FAM20A: variants seen among roughly 807,000 people sequenced by gnomAD.
The protein encoded by FAM20A is pseudokinase FAM20A.
In FAM20A, 42 loss-of-function variants were observed where a neutral mutation model predicts 52.0. The ratio of observed to expected loss-of-function variants is 0.81; its 90% confidence interval spans 0.63 to 1.04. FAM20A has a LOEUF of 1.04. Among genes scored for constraint, FAM20A ranks in the 50% least tolerant of loss-of-function variants. The pLI, the probability that FAM20A is intolerant of heterozygous loss-of-function variation, is 0.00. For missense variants in FAM20A, 742 were observed against 712.7 expected, an observed-to-expected ratio of 1.04 and a Z score of -0.47; for synonymous variants, 304 against 298.9, an observed-to-expected ratio of 1.02 and a Z score of -0.18.
In FAM20A at chr17:68,554,831, C is replaced by T; in HGVS notation, c.590-4G>A. 4 of 1,614,086 alleles carry T rather than the reference C, an allele frequency of 2.5e-6. No individual in the cohort carries two copies. The highest frequency in any genetic ancestry group is 2.2e-5 in the South Asian group (2 of 91,058). ...GCTTTCTCATCTTGACTGTAATCTG[C>T]AAAGGAGGAGAAGGGCAATGAGAAC... On this transcript the variant is annotated splice_polypyrimidine_tract_variant and splice_region_variant and intron_variant, in intron 2 of 10. Transcript: ENST00000592554.
chr17:68,554,792 A>T lies in FAM20A; in HGVS notation c.625T>A (p.Cys209Ser), dbSNP rs1180198431. Residue 209 changes from cysteine (C) to serine (S), a missense_variant, in exon 3 of 11, where the codon TGT becomes AGT. Cys to Ser is a moderately radical substitution (Grantham distance 112). Transcript: ENST00000592554. ...SQDEKALLGA[C>S]DCTQIVKPSG... ...GGTCACTTACTCTGGGTGCAGTCAC[A>T]TGCCCCCAGCAAGGCTTTCTCATCT... is the stretch of plus-strand genomic sequence containing the variant. 3.8e-5 allele frequency: 62 copies of T among 1,613,960 alleles called. No homozygotes were observed. Among genetic ancestry groups the T allele is most frequent in the Non-Finnish European group, 4.9e-5 (58 of 1,179,984 alleles).
At chr17:68,554,069 T>C (rs994734269) in intron 3 of FAM20A, among the ~76,000 whole-genome samples, 27 of 149,238 alleles carry the variant, frequency 1.8e-4, no homozygotes, top group South Asian at 1.3e-3. Flanking sequence ...TATACACACA[T>C]ATACACACAT....
chr17:68,543,573 C>G (rs748626276), intron 5 of FAM20A, 56 bp downstream of exon 5: 10 of 1,497,508 alleles, frequency 6.7e-6, no homozygotes, highest in Non-Finnish European at 6.5e-6. Context: ...TCTAGCCACC[C>G]CTCCCAGAGG....
chr17:68,556,746 G>C (rs995547743), intron 1 of FAM20A, among the ~76,000 whole-genome samples: 1 of 152,080 alleles, frequency 6.6e-6, no homozygotes, highest in African/African-American at 2.4e-5. Flanking sequence ...TGGAAGGGAA[G>C]GCAAATTAGT....
Position 68,541,975 on chromosome 17 carries a change from AC to A in FAM20A, c.1109+9del, listed in dbSNP as rs2086318161. ...AAGGACTGGGCTGTGTGGCCTGGGG[AC>A]CAACTCACTCCTCTTTTCCTGCCAG... On this transcript the variant is annotated intron_variant, in intron 7 of 10. Coordinates refer to ENST00000592554, the MANE Select transcript of FAM20A (RefSeq NM_017565.4). The A allele has an allele frequency of 6.2e-7, 1 of 1,611,484 alleles. No homozygotes were observed. Among genetic ancestry groups the A allele is most frequent in the Non-Finnish European group, 8.5e-7 (1 of 1,178,510 alleles).
rs2087854987 is a variant in FAM20A, at chr17:68,578,871, T to C, written c.404+21392A>G. Among the ~76,000 whole-genome samples the C allele has an allele frequency of 2.2e-5, 2 of 91,194 alleles. 1 individual carries two copies. The highest frequency in any genetic ancestry group is 7.2e-4 in the South Asian group (2 of 2,762). 59.8% of individuals were successfully genotyped at this position (91,194 alleles called of 152,430 possible). A position where few individuals can be genotyped will look rare whatever the true frequency, so the allele number is the denominator to read the frequency against. On this transcript the variant is annotated intron_variant, in intron 1 of 10. Coordinates refer to ENST00000592554, the MANE Select transcript of FAM20A (RefSeq NM_017565.4). ...AAAAAAAAAAAAAAAAAAAAATTAC[T>C]GGGCGTGGTGGCAGGTGCCTGTAGT...
chr17:68,544,230 G>A (rs1463894332), intron 4 of FAM20A, among the ~76,000 whole-genome samples: 2 of 141,758 alleles, frequency 1.4e-5, no homozygotes, highest in Non-Finnish European at 3.1e-5. Flanking sequence ...GGATGTGGGG[G>A]AAATACGTGG....
At chr17:68,545,424 C>G (rs538004348) in intron 4 of FAM20A, among the ~76,000 whole-genome samples, 1 of 152,188 alleles carries the variant, frequency 6.6e-6, no homozygotes, top group Non-Finnish European at 1.5e-5. Context: ...ATAAAAGTTA[C>G]GTTTCATTAT....
At chr17:68,588,733 C>A (rs965054851) in intron 1 of FAM20A, among the ~76,000 whole-genome samples, 2 of 152,220 alleles carry the variant, frequency 1.3e-5, no homozygotes, top group Non-Finnish European at 2.9e-5. Flanking sequence ...CCTTAATTAT[C>A]TCTTAAAAGG....
Position 68,555,763 on chromosome 17 carries a change from G to A in FAM20A, c.405-20C>T. On this transcript the variant is annotated intron_variant, in intron 1 of 10. Coordinates refer to ENST00000592554, the MANE Select transcript of FAM20A (RefSeq NM_017565.4). ...TGTCGCCTGAAAGAGCCAGATAGTT[G>A]TTCATTAGAGGAACAAGAATGCAAA... The A allele has an allele frequency of 2.5e-6, 4 of 1,613,870 alleles. No individual in the cohort carries two copies. Among genetic ancestry groups the A allele is most frequent in the Non-Finnish European group, 3.4e-6 (4 of 1,179,920 alleles).
Position 68,542,301 on chromosome 17 carries a change from A to G in FAM20A, c.929-136T>C, listed in dbSNP as rs2086337052. 1.2e-5 allele frequency: 12 copies of G among 997,766 alleles called. No individual in the cohort carries two copies. The South Asian group carries it at 1.8e-4, about 15-fold the overall frequency. The allele number at this position is 997,766 out of a possible 1,614,324, so 61.8% of individuals were successfully genotyped here. A position where few individuals can be genotyped will look rare whatever the true frequency, so the allele number is the denominator to read the frequency against. On this transcript the variant is annotated intron_variant, in intron 6 of 10. Coordinates refer to ENST00000592554, the MANE Select transcript of FAM20A (RefSeq NM_017565.4). Reference sequence around the variant, plus strand: ...CGGGAAGAGAAAGAAGAAGAAGGAAACATTGACTTTTCCAGAAGTGAGGGT... The same window carrying G: ...CGGGAAGAGAAAGAAGAAGAAGGAAGCATTGACTTTTCCAGAAGTGAGGGT...
Position 68,554,798 on chromosome 17 carries a change from C to T in FAM20A, c.619G>A (p.Gly207Arg), listed in dbSNP as rs1368522327. Residue 207 changes from glycine (G) to arginine (R), a missense_variant, in exon 3 of 11, where the codon GGG (glycine) becomes AGG (arginine). Coordinates refer to ENST00000592554, the MANE Select transcript of FAM20A (RefSeq NM_017565.4). ...DYSQDEKALL[G>R]ACDCTQIVKP... The stretch of plus-strand genomic sequence containing the variant: ...TTACTCTGGGTGCAGTCACATGCCC[C>T]CAGCAAGGCTTTCTCATCTTGACTG... The T allele has an allele frequency of 1.2e-6, 2 of 1,614,126 alleles. No homozygotes were observed. Among genetic ancestry groups the T allele is most frequent in the Non-Finnish European group, 8.5e-7 (1 of 1,180,014 alleles).
chr17:68,554,038 G>GCACATATA lies in FAM20A; in HGVS notation c.640+738_640+739insTATATGTG, dbSNP rs1568741819. On this transcript the variant is annotated intron_variant, in intron 3 of 10. Coordinates refer to ENST00000592554, the MANE Select transcript of FAM20A (RefSeq NM_017565.4). Reference sequence around the variant, plus strand: ...TACATATATACATATATACACACATGCATATATACACATATACACATATAC... The same window carrying GCACATATA: ...TACATATATACATATATACACACATGCACATATACATATATACACATATACACATATAC... Among the ~76,000 whole-genome samples, 83 of 116,292 alleles carry GCACATATA rather than the reference G, an allele frequency of 7.1e-4. 2 individuals are homozygous for GCACATATA. The Middle Eastern group carries it at 0.014, about 19-fold the overall frequency. The allele number at this position is 116,292 out of a possible 152,430, so 76.3% of individuals were successfully genotyped here. A position where few individuals can be genotyped will look rare whatever the true frequency, so the allele number is the denominator to read the frequency against.
chr17:68,582,243 G>A (rs2088026834), intron 1 of FAM20A: 1 of 152,300 alleles, frequency 6.6e-6, no homozygotes, highest in Non-Finnish European at 1.5e-5. Context: ...AAGGGTATGT[G>A]CATGTAGGAG....
chr17:68,566,547 A>G (rs957855214), intron 1 of FAM20A, among the ~76,000 whole-genome samples: 1 of 152,154 alleles, frequency 6.6e-6, no homozygotes, highest in East Asian at 1.9e-4. Flanking sequence ...AAATAAAGGA[A>G]CTCCCCAGGA....
chr17:68,551,688 AATTATTATT>A lies in FAM20A; in HGVS notation c.719+176_719+184del, dbSNP rs34824326. On this transcript the variant is annotated intron_variant, in intron 4 of 10. Transcript: ENST00000592554. ...AAAAAGACAAGCTCTTAGTATTTTCAATTATTATTATTATTATTATTATTATTATTATTA... is the reference window on the plus strand; with the variant it reads ...AAAAAGACAAGCTCTTAGTATTTTCAATTATTATTATTATTATTATTATTA... Among the ~76,000 whole-genome samples, 76 of 134,852 alleles carry A rather than the reference AATTATTATT, an allele frequency of 5.6e-4. 1 individual carries two copies. The highest frequency in any genetic ancestry group is 3.7e-3 in the Middle Eastern group (1 of 270). 88.5% of individuals were successfully genotyped at this position (134,852 alleles called of 152,430 possible). A position where few individuals can be genotyped will look rare whatever the true frequency, so the allele number is the denominator to read the frequency against.
At position 68,554,846 on chromosome 17, in the gene FAM20A, G is replaced by T; in HGVS notation, c.590-19C>A. On this transcript the variant is annotated intron_variant, in intron 2 of 10. Coordinates refer to ENST00000592554, the MANE Select transcript of FAM20A (RefSeq NM_017565.4). ...CTGTAATCTGCAAAGGAGGAGAAGG[G>T]CAATGAGAACTTCCAGTCTTGTTCC... 6.2e-7 allele frequency: 1 copy of T among 1,613,788 alleles called. No homozygotes were observed. The highest frequency in any genetic ancestry group is 2.2e-5 in the East Asian group (1 of 44,890).
chr17:68,539,282 G>A, intron 10 of FAM20A, 55 bp downstream of exon 10: 1 of 1,584,552 alleles, frequency 6.3e-7, no homozygotes, highest in Admixed American at 1.7e-5. Flanking sequence ...GCTGCAAGCA[G>A]CATGAAGGGT....
chr17:68,548,864 C>T (rs566789662), intron 4 of FAM20A, among the ~76,000 whole-genome samples: 13 of 151,236 alleles, frequency 8.6e-5, no homozygotes, highest in Non-Finnish European at 1.6e-4. Flanking sequence ...TCCCGAGCAG[C>T]TGGGACTACC....
Sources: gnomAD v4.1 joint callset for allele counts (sites outside exome capture counted in the v4.1 genomes callset) on GRCh38, gnomAD v4.1.1 for gene constraint, MANE v1.5 for transcripts, NCBI Gene and HGNC (gene_info 2026-07-23, HGNC 2026-07-21) for gene names.